The following NANS variants were observed in gnomAD, a reference collection of about 807,000 sequenced individuals.
NANS encodes the protein N-acetylneuraminate synthase.
Under a neutral mutation model 33.3 loss-of-function variants are expected in NANS, and 29 were observed. The ratio of observed to expected loss-of-function variants is 0.87; its 90% CI spans 0.65 to 1.19. The LOEUF is 1.19. Among genes scored for constraint, NANS ranks in the 50% most tolerant of loss-of-function variants. The pLI is 0.00. For missense variants in NANS, 394 were observed against 461.1 expected (o/e 0.85, Z 1.33); for synonymous variants, 163 against 177.2 (o/e 0.92, Z 0.64).
intron 1 of NANS, among the ~76,000 whole-genome samples, chr9:98,058,013 C>T (rs1169961394): frequency 6.8e-6 from 1 of 147,010 alleles, no homozygotes; most frequent in Non-Finnish European, 1.5e-5. Flanking sequence ...ACCTCTGCCT[C>T]CCAGGCTTAA....
intron 4 of NANS, among the ~76,000 whole-genome samples, chr9:98,080,170 C>T (rs573423163): frequency 3.3e-5 from 5 of 152,166 alleles, no homozygotes; most frequent in East Asian, 3.9e-4. Context: ...GCTGAGATCA[C>T]GCCATTGCAC....
At chr9:98,073,339 C>T (rs1292798317) in intron 2 of NANS, among the ~76,000 whole-genome samples, 1 of 122,888 alleles carries the variant, frequency 8.1e-6, no homozygotes, top group East Asian at 2.7e-4. Context: ...GGCTGGAGTG[C>T]AATGGCATGC....
At chr9:98,059,718 T>G (rs1828922097) in intron 1 of NANS, among the ~76,000 whole-genome samples, 2 of 151,976 alleles carry the variant, frequency 1.3e-5, no homozygotes, top group African/African-American at 4.8e-5. Context: ...CCTGACCTCT[T>G]GAGTGTTTTT....
Position 98,070,371 on chromosome 9 carries a change from G to A in NANS, c.349-6547G>A, listed in dbSNP as rs189867989. On this transcript the variant is annotated intron_variant, in intron 2 of 5. Coordinates refer to ENST00000210444, the MANE Select transcript of NANS (RefSeq NM_018946.4). ...GACCTCAGGTGATCTGCCTGCCTCA[G>A]CCTCCCAAAGTGCTGGGATTGCAGG... Among the ~76,000 whole-genome samples, 28 of 152,008 alleles carry A rather than the reference G, an allele frequency of 1.8e-4. 1 individual carries two copies. The East Asian group carries it at 4.7e-3, about 25-fold the overall frequency.
chr9:98,080,879 A>G lies in NANS; in HGVS notation c.667A>G (p.Ile223Val), dbSNP rs751714500. The G allele has an allele frequency of 6.8e-6, 11 of 1,614,064 alleles. No individual in the cohort carries two copies. Among genetic ancestry groups the G allele is most frequent in the East Asian group, 2.2e-5 (1 of 44,884 alleles). The stretch of plus-strand genomic sequence containing the variant: ...TTCTGGGCATGAAACAGGCATAGCG[A>G]TATCTGTGGCCGCAGTGGCTCTGGG... The part of the protein sequence containing the change: ...GYSGHETGIA[I>V]SVAAVALGAK... Residue 223 changes from isoleucine to valine, a missense_variant, in exon 5 of 6, where the codon ATA becomes GTA. Coordinates refer to ENST00000210444, the MANE Select transcript of NANS (RefSeq NM_018946.4).
At chr9:98,081,190 A>C (rs889589851) in intron 5 of NANS, 108 bp downstream of exon 5, 3 of 1,455,146 alleles carry the variant, frequency 2.1e-6, no homozygotes, top group Non-Finnish European at 2.8e-6. Context: ...GGCTGATGAA[A>C]TGATCAGTGA....
rs373786035 is a variant in NANS, at chr9:98,056,758, C to T, written c.-51C>T. The T allele has an allele frequency of 5.2e-4, 824 of 1,581,652 alleles. 1 individual carries two copies. Among genetic ancestry groups the T allele is most frequent in the Middle Eastern group, 5.6e-4 (3 of 5,346 alleles). ...CAGAACAGAGTAGAGGCGGCGGCGGCGGCGGCCGGACCCAGACTGGTAGTG... is the reference window on the plus strand; with the variant it reads ...CAGAACAGAGTAGAGGCGGCGGCGGTGGCGGCCGGACCCAGACTGGTAGTG... On this transcript the variant is annotated 5_prime_UTR_variant, in exon 1 of 6. Coordinates refer to ENST00000210444, the MANE Select transcript of NANS (RefSeq NM_018946.4).
At chr9:98,078,053 C>T in intron 3 of NANS, 140 bp from the exon 4 acceptor site, 1 of 1,271,452 alleles carries the variant, frequency 7.9e-7, no homozygotes, top group South Asian at 1.6e-5. Context: ...CCTCTCTGTT[C>T]CCCCACAGGG....
In NANS at chr9:98,056,738, CAGAGT is replaced by C. The variant is rs1828831418; in HGVS notation, c.-66_-62del. ...GGGTCTCGCAGCGTTGCTCACAGAA[CAGAGT>C]AGAGGCGGCGGCGGCGGCGGCCGGA... is the stretch of plus-strand genomic sequence containing the variant. On this transcript the variant is annotated 5_prime_UTR_variant, in exon 1 of 6. Transcript: ENST00000210444. 6.4e-7 allele frequency: 1 copy of C among 1,558,548 alleles called. No homozygotes were observed. The highest frequency in any genetic ancestry group is 1.2e-5 in the South Asian group (1 of 86,052).
At chr9:98,076,017 C>T (rs1371119573) in intron 2 of NANS, 2 of 152,012 alleles carry the variant, frequency 1.3e-5, no homozygotes, top group African/African-American at 4.8e-5. Flanking sequence ...TTGAAGAGCA[C>T]TAAATAGGTA....
At chr9:98,081,930 G>C (rs1381785193) in intron 5 of NANS, 3 of 152,230 alleles carry the variant, frequency 2.0e-5, no homozygotes, top group African/African-American at 7.2e-5. Flanking sequence ...CCAGAAACCA[G>C]AGTAAGATTT....
At position 98,060,864 on chromosome 9, in the gene NANS, C is replaced by A. The variant is rs1385033253; in HGVS notation, c.215C>A (p.Thr72Asn). ...CGGAAAGCCTTGGAGAGGCCATACA[C>A]CTCGAAGCATTCCTGGGGGAAGACG... ...FNRKALERPY[T>N]SKHSWGKTYG... Residue 72 changes from threonine to asparagine, a missense_variant, in exon 2 of 6, where the codon ACC becomes AAC. By Grantham distance (65) the Thr-to-Asn change is moderately conservative. Transcript: ENST00000210444. 6.2e-7 allele frequency: 1 copy of A among 1,614,162 alleles called. No individual in the cohort carries two copies. The highest frequency in any genetic ancestry group is 8.5e-7 in the Non-Finnish European group (1 of 1,180,042).
At chr9:98,071,781 C>T (rs965863603) in intron 2 of NANS, among the ~76,000 whole-genome samples, 1 of 152,204 alleles carries the variant, frequency 6.6e-6, no homozygotes, top group Non-Finnish European at 1.5e-5. Context: ...GGGAAGATGT[C>T]ATCAAGGTGA....
chr9:98,064,400 C>A (rs1829074695), intron 2 of NANS, among the ~76,000 whole-genome samples: 1 of 152,016 alleles, frequency 6.6e-6, no homozygotes, highest in Non-Finnish European at 1.5e-5. Flanking sequence ...ATTACAGGCG[C>A]CTGCCACCAC....
intron 2 of NANS, among the ~76,000 whole-genome samples, chr9:98,072,832 C>T (rs1048356310): frequency 6.6e-6 from 1 of 152,144 alleles, no homozygotes; most frequent in Non-Finnish European, 1.5e-5. Context: ...TGTTTACCTA[C>T]CCTAACTTCC....
At position 98,056,778 on chromosome 9, in the gene NANS, G is replaced by A. The variant is rs371399380; in HGVS notation, c.-31G>A. 9 of 1,605,774 alleles carry A rather than the reference G, an allele frequency of 5.6e-6. No individual in the cohort carries two copies. The African/African-American group carries it at 1.2e-4, about 22-fold the overall frequency. On this transcript the variant is annotated 5_prime_UTR_variant, in exon 1 of 6. Coordinates refer to ENST00000210444, the MANE Select transcript of NANS (RefSeq NM_018946.4). Reference sequence around the variant, plus strand: ...GGCGGCGGCGGCCGGACCCAGACTGGTAGTGAGGCTTTGGACCCCGAGCCG... The same window carrying A: ...GGCGGCGGCGGCCGGACCCAGACTGATAGTGAGGCTTTGGACCCCGAGCCG...
At position 98,078,277 on chromosome 9, in the gene NANS, A is replaced by G. The variant is rs750637748; in HGVS notation, c.533A>G (p.Asn178Ser). The G allele has an allele frequency of 6.2e-7, 1 of 1,613,378 alleles. No homozygotes were observed. The highest frequency in any genetic ancestry group is 1.7e-5 in the Admixed American group (1 of 59,886). ...CAGATCGTGAAGCCCCTCAACCCCA[A>G]CTTCTGCTTCTTGCAGTGTACCAGC... ...VYQIVKPLNP[N>S]FCFLQCTSAY... The change falls in exon 4 of 6, where the codon AAC becomes AGC. Residue 178 changes from asparagine (N) to serine (S), a missense_variant. Physicochemically the swap from Asn to Ser is conservative, Grantham distance 46. Coordinates refer to ENST00000210444, the MANE Select transcript of NANS (RefSeq NM_018946.4).
At chr9:98,066,776 G>A (rs542349586) in intron 2 of NANS, among the ~76,000 whole-genome samples, 11 of 151,830 alleles carry the variant, frequency 7.2e-5, no homozygotes, top group Non-Finnish European at 7.4e-5. Context: ...TCAGCCTCCC[G>A]AGTAGCTGGG....
rs754197886 is a variant in NANS at position 98,056,958 on chromosome 9, G to A, written c.132+18G>A. ...TGGCCAAGGTGAGGCGGCAGCTCCC[G>A]GGACCCGGGATTCGGGCGCCGGGAG... On this transcript the variant is annotated intron_variant, in intron 1 of 5. Transcript: ENST00000210444. The A allele has an allele frequency of 6.4e-7, 1 of 1,562,952 alleles. No homozygotes were observed. Among genetic ancestry groups the A allele is most frequent in the Non-Finnish European group, 8.7e-7 (1 of 1,155,392 alleles).
Sources: gnomAD v4.1 joint callset for allele counts (sites outside exome capture counted in the v4.1 genomes callset) on GRCh38, gnomAD v4.1.1 for gene constraint, MANE v1.5 for transcripts, NCBI Gene and HGNC (gene_info 2026-07-23, HGNC 2026-07-21) for gene names.